Variants in CCSER1 observed in about 807,000 individuals in gnomAD.
CCSER1 encodes coiled-coil serine rich protein 1.
In CCSER1, 41 loss-of-function variants were observed where a neutral mutation model predicts 82.0. The observed-to-expected ratio is 0.50, with a 90% CI of 0.39 to 0.65. The LOEUF is 0.65. Among genes scored for constraint, CCSER1 ranks in the 30% least tolerant of loss-of-function variants. The pLI is 0.00. For missense variants in CCSER1, 1,119 were observed against 1,064.2 expected (o/e 1.05, Z -0.72); for synonymous variants, 414 against 383.9 (o/e 1.08, Z -0.92).
At chr4:90,316,537 A>C (rs1736196199) in intron 3 of CCSER1, among the ~76,000 whole-genome samples, 1 of 152,230 alleles carries the variant, frequency 6.6e-6, no homozygotes, top group South Asian at 2.1e-4. Context: ...CAATGTCCTT[A>C]CTGAGAGATA....
At chr4:91,054,426 T>A (rs72886645) in intron 9 of CCSER1, among the ~76,000 whole-genome samples, 10,308 of 152,278 alleles carry the variant, frequency 0.068, 1,042 homozygotes, top group African/African-American at 0.22. Flanking sequence ...TGTTATATCC[T>A]CTTGGTTTAT....
At chr4:91,557,150 T>G (rs7696779) in intron 10 of CCSER1, among the ~76,000 whole-genome samples, 26,091 of 148,524 alleles carry the variant, frequency 0.18, 2,751 homozygotes, top group African/African-American at 0.26. Flanking sequence ...GTACAACTCT[T>G]AAGAATATTG....
At chr4:90,458,448 C>T (rs1240122899) in intron 4 of CCSER1, among the ~76,000 whole-genome samples, 2 of 152,112 alleles carry the variant, frequency 1.3e-5, no homozygotes, top group African/African-American at 4.8e-5. Context: ...CCACTTCCTG[C>T]ATTGAAGCAA....
chr4:90,925,667 A>G (rs940766107), intron 9 of CCSER1, among the ~76,000 whole-genome samples: 2 of 152,154 alleles, frequency 1.3e-5, no homozygotes, highest in African/African-American at 2.4e-5. Context: ...TCTTATATCA[A>G]TGTCATTTAG....
chr4:91,035,898 T>C lies in CCSER1; in HGVS notation c.2173-50052T>C, dbSNP rs1741391451. On this transcript the variant is annotated intron_variant, in intron 9 of 10. Coordinates refer to ENST00000509176, the MANE Select transcript of CCSER1 (RefSeq NM_001145065.2). ...ATAAAAACATTTCAGAAATGCAACC[T>C]TTGTATGTTTTCTTGGTAATTCTCA... 2.0e-5 allele frequency among the ~76,000 whole-genome samples: 3 copies of C among 152,266 alleles called. No homozygotes were observed. The South Asian group carries it at 6.2e-4, about 32-fold the overall frequency.
intron 8 of CCSER1, among the ~76,000 whole-genome samples, chr4:90,820,161 T>C (rs1226676302): frequency 1.3e-5 from 2 of 152,130 alleles, no homozygotes; most frequent in Non-Finnish European, 2.9e-5. Context: ...ATATGGAAAA[T>C]TGGGATATGA....
intron 1 of CCSER1, among the ~76,000 whole-genome samples, chr4:90,217,396 A>C (rs1159196806): frequency 1.3e-5 from 2 of 152,066 alleles, no homozygotes; most frequent in Admixed American, 6.5e-5. Flanking sequence ...ACAGGGTTTC[A>C]TCATGTTGGC....
At chr4:90,219,758 T>A (rs1222830040) in intron 1 of CCSER1, among the ~76,000 whole-genome samples, 6 of 152,192 alleles carry the variant, frequency 3.9e-5, no homozygotes, top group Non-Finnish European at 7.4e-5. Flanking sequence ...CTGGTTTTGA[T>A]ATCACTCTTG....
At position 90,845,820 on chromosome 4, in the gene CCSER1, A is replaced by C. The variant is rs531218108; in HGVS notation, c.2094+29975A>C. On this transcript the variant is annotated intron_variant, in intron 8 of 10. Transcript: ENST00000509176. ...TATTTCAACTGTGAAAAAAAAAAAA[A>C]CCAGATTTTCTTATTTCTTGAGTTA... Among the ~76,000 whole-genome samples, 1,023 of 151,894 alleles carry C rather than the reference A, an allele frequency of 6.7e-3. 15 individuals are homozygous for C. The highest frequency in any genetic ancestry group is 0.024 in the African/African-American group (984 of 41,462).
chr4:90,964,341 G>T (rs1308446213), intron 9 of CCSER1, among the ~76,000 whole-genome samples: 1 of 152,000 alleles, frequency 6.6e-6, no homozygotes, highest in African/African-American at 2.4e-5. Flanking sequence ...TGGTAATAGA[G>T]AAAATAAAAA....
At chr4:90,297,682 T>A in intron 1 of CCSER1, among the ~76,000 whole-genome samples, 1 of 151,872 alleles carries the variant, frequency 6.6e-6, no homozygotes, top group Non-Finnish European at 1.5e-5. Context: ...ACACCTAATT[T>A]ATTGAGAGTT....
At chr4:90,860,706 A>G (rs1764983939) in intron 8 of CCSER1, among the ~76,000 whole-genome samples, 4 of 151,752 alleles carry the variant, frequency 2.6e-5, no homozygotes, top group African/African-American at 9.7e-5. Flanking sequence ...GAAAAATAAA[A>G]CACTAGAACA....
At chr4:90,869,139 C>T (rs997247599) in intron 8 of CCSER1, among the ~76,000 whole-genome samples, 1 of 151,910 alleles carries the variant, frequency 6.6e-6, no homozygotes, top group African/African-American at 2.4e-5. Flanking sequence ...CAAATATTTT[C>T]TCCCATTCTG....
intron 1 of CCSER1, among the ~76,000 whole-genome samples, chr4:90,217,926 G>C (rs951190045): frequency 1.8e-4 from 27 of 151,986 alleles, no homozygotes; most frequent in African/African-American, 6.5e-4. Context: ...CTTATGAGTA[G>C]CTGAGACTAC....
intron 10 of CCSER1, among the ~76,000 whole-genome samples, chr4:91,459,043 C>A (rs1474705668): frequency 6.6e-6 from 1 of 151,762 alleles, no homozygotes; most frequent in Admixed American, 6.6e-5. Flanking sequence ...TTATGGGACA[C>A]AATATATAAT....
chr4:91,078,177 T>C (rs1450856858), intron 9 of CCSER1, among the ~76,000 whole-genome samples: 7 of 152,126 alleles, frequency 4.6e-5, no homozygotes, highest in Non-Finnish European at 1.0e-4. Flanking sequence ...GTAGCCTAAA[T>C]AGGAGACACC....
At chr4:90,130,223 T>C in intron 1 of CCSER1, among the ~76,000 whole-genome samples, 1 of 151,990 alleles carries the variant, frequency 6.6e-6, no homozygotes. Context: ...GAACGGGAGA[T>C]TCCTTGTTCC....
At chr4:91,459,942 AG>A (rs1756409385) in intron 10 of CCSER1, among the ~76,000 whole-genome samples, 1 of 152,084 alleles carries the variant, frequency 6.6e-6, no homozygotes, top group African/African-American at 2.4e-5. Context: ...CCATTGACTA[AG>A]AAAAAAGCCT....
chr4:90,254,431 A>G (rs1722915471), intron 1 of CCSER1, among the ~76,000 whole-genome samples: 1 of 152,128 alleles, frequency 6.6e-6, no homozygotes, highest in African/African-American at 2.4e-5. Flanking sequence ...CCTCCACCGT[A>G]AACTTGCTGA....
Sources: gnomAD v4.1 joint callset for allele counts (sites outside exome capture counted in the v4.1 genomes callset) on GRCh38, gnomAD v4.1.1 for gene constraint, MANE v1.5 for transcripts, NCBI Gene and HGNC (gene_info 2026-07-23, HGNC 2026-07-21) for gene names.